SYT1: variants seen among roughly 807,000 people sequenced by gnomAD.
SYT1 encodes synaptotagmin 1.
SYT1 carries 8 observed loss-of-function variants against 44.8 expected under a neutral mutation model. The ratio of observed to expected loss-of-function variants is 0.18; its 90% CI spans 0.10 to 0.32. The LOEUF (loss-of-function observed/expected upper bound fraction) is 0.32. Ranked by LOEUF, SYT1 falls within the 10% of genes least tolerant of loss-of-function variation. The probability of loss-of-function intolerance (pLI) is 1.00; values close to 1 mark genes in which losing one functional copy is unlikely to be tolerated. For missense variants in SYT1, 286 were observed against 509.3 expected, an observed-to-expected ratio of 0.56 and a Z score of 4.22; for synonymous variants, 154 against 188.8, an observed-to-expected ratio of 0.82 and a Z score of 1.51.
chr12:78,922,205 A>T (rs1478686123), intron 1 of SYT1, among the ~76,000 whole-genome samples: 3 of 151,964 alleles, frequency 2.0e-5, no homozygotes, highest in South Asian at 2.1e-4. Context: ...CACTAAGCAC[A>T]GGAGACTGTT....
Position 79,063,359 on chromosome 12 carries a change from C to T in SYT1, c.-18+15997C>T, listed in dbSNP as rs565286299. On this transcript the variant is annotated intron_variant, in intron 3 of 10. Coordinates refer to ENST00000261205, the MANE Select transcript of SYT1 (RefSeq NM_005639.3). Reference sequence around the variant, plus strand: ...ATTATGTTTACCCAGAAAATAGTTGCCTGTAGCAAAAGCATAATAATGTTT... The same window carrying T: ...ATTATGTTTACCCAGAAAATAGTTGTCTGTAGCAAAAGCATAATAATGTTT... Among the ~76,000 whole-genome samples, 8 of 152,218 alleles carry T rather than the reference C, an allele frequency of 5.3e-5. No individual in the cohort carries two copies. The South Asian group carries it at 1.7e-3, about 32-fold the overall frequency.
chr12:79,210,904 G>A (rs1403583273), intron 3 of SYT1, among the ~76,000 whole-genome samples: 1 of 149,746 alleles, frequency 6.7e-6, no homozygotes, highest in African/African-American at 2.5e-5. Flanking sequence ...ATTCATTCTT[G>A]AGATTTAGCT....
rs144625145 is a variant in SYT1 at position 79,339,766 on chromosome 12, T to C, written c.811-13736T>C. On this transcript the variant is annotated intron_variant, in intron 8 of 10. Transcript: ENST00000261205. Reference sequence around the variant, plus strand: ...GCCCATGCCTACGTCCTGAATGGTATTGCCTAGGTTTTCTTCTAGGGATTT... The same window carrying C: ...GCCCATGCCTACGTCCTGAATGGTACTGCCTAGGTTTTCTTCTAGGGATTT... Among the ~76,000 whole-genome samples, 1,468 of 152,308 alleles carry C rather than the reference T, an allele frequency of 9.6e-3. 26 individuals are homozygous for C. Among genetic ancestry groups the C allele is most frequent in the African/African-American group, 0.034 (1,402 of 41,570 alleles).
intron 3 of SYT1, among the ~76,000 whole-genome samples, chr12:79,192,011 T>C (rs1478180194): frequency 6.6e-6 from 1 of 152,150 alleles, no homozygotes; most frequent in Non-Finnish European, 1.5e-5. Flanking sequence ...TTAATATCAA[T>C]CCACCCCTAT....
At chr12:79,299,363 T>A (rs758744668) in intron 7 of SYT1, 21 bp from the exon 8 acceptor site, 4 of 1,609,764 alleles carry the variant, frequency 2.5e-6, no homozygotes, top group Admixed American at 1.7e-5. Context: ...GGATATTTTA[T>A]CCTCATGTCT....
At chr12:79,426,085 A>C (rs1869430032) in intron 9 of SYT1, among the ~76,000 whole-genome samples, 1 of 152,134 alleles carries the variant, frequency 6.6e-6, no homozygotes, top group Non-Finnish European at 1.5e-5. Flanking sequence ...TTTGATTAAA[A>C]AAAAAAAAAA....
intron 8 of SYT1, among the ~76,000 whole-genome samples, chr12:79,304,849 T>C (rs539844273): frequency 1.8e-4 from 27 of 152,018 alleles, no homozygotes; most frequent in Non-Finnish European, 3.1e-4. Context: ...AACTATAATA[T>C]ATATTAGTGT....
intron 3 of SYT1, among the ~76,000 whole-genome samples, chr12:79,068,892 A>T (rs1433726498): frequency 1.3e-5 from 2 of 152,132 alleles, no homozygotes; most frequent in Non-Finnish European, 2.9e-5. Context: ...TTTCTTCCTA[A>T]TGTCCTTTTA....
intron 9 of SYT1, among the ~76,000 whole-genome samples, chr12:79,443,300 T>C (rs1023938205): frequency 1.3e-5 from 2 of 152,180 alleles, no homozygotes; most frequent in Admixed American, 6.5e-5. Context: ...GTTAATTCCA[T>C]AGATGCCTTA....
intron 2 of SYT1, among the ~76,000 whole-genome samples, chr12:79,016,065 T>C (rs1450940448): frequency 6.6e-6 from 1 of 152,176 alleles, no homozygotes; most frequent in Non-Finnish European, 1.5e-5. Context: ...TGAAACACAT[T>C]CAGCTAATAC....
intron 3 of SYT1, among the ~76,000 whole-genome samples, chr12:79,109,216 T>C (rs1357288052): frequency 2.0e-5 from 3 of 152,200 alleles, no homozygotes; most frequent in Non-Finnish European, 2.9e-5. Context: ...TTCAGGCCAG[T>C]TGGAGGCTCT....
At chr12:79,195,479 C>T (rs1331390984) in intron 3 of SYT1, among the ~76,000 whole-genome samples, 1 of 134,424 alleles carries the variant, frequency 7.4e-6, no homozygotes, top group Non-Finnish European at 1.6e-5. Context: ...TTTGCACAAT[C>T]ATATATTTGA....
At chr12:79,327,718 G>A (rs534991021) in intron 8 of SYT1, among the ~76,000 whole-genome samples, 12 of 152,212 alleles carry the variant, frequency 7.9e-5, no homozygotes, top group Non-Finnish European at 1.2e-4. Flanking sequence ...CTTCATAGGC[G>A]ATGAGGAAGG....
intron 9 of SYT1, among the ~76,000 whole-genome samples, chr12:79,428,498 T>C (rs1354303325): frequency 6.6e-6 from 1 of 152,114 alleles, no homozygotes; most frequent in Non-Finnish European, 1.5e-5. Context: ...GCATACCCCA[T>C]GTCTGAGGGG....
At chr12:78,864,507 C>A (rs570355281), upstream of SYT1, among the ~76,000 whole-genome samples, 306 of 152,102 alleles carry the variant, frequency 2.0e-3, no homozygotes, top group African/African-American at 6.8e-3. Context: ...TCTTACTTCA[C>A]CCCCTCCCCC....
chr12:79,405,401 A>G (rs1885208906), intron 9 of SYT1, among the ~76,000 whole-genome samples: 1 of 152,200 alleles, frequency 6.6e-6, no homozygotes, highest in Middle Eastern at 3.2e-3. Flanking sequence ...TAATTTAAAT[A>G]TTGATTAATT....
chr12:79,280,489 CA>C (rs79177676), intron 4 of SYT1, among the ~76,000 whole-genome samples: 52,944 of 151,210 alleles, frequency 0.35, 9,604 homozygotes, highest in East Asian at 0.59. Context: ...TGACCATATA[CA>C]AAAAAAATTA....
rs557405659 is a variant in SYT1, at chr12:78,894,944, G to C, written c.-217+29835G>C. Among the ~76,000 whole-genome samples, 37 of 151,564 alleles carry C rather than the reference G, an allele frequency of 2.4e-4. No homozygotes were observed. The South Asian group carries it at 5.0e-3, about 20-fold the overall frequency. ...TCACCACAAAAAAATAATTCAGTGA[G>C]GTAATGCATATGTTTATTAGCTTGA... On this transcript the variant is annotated intron_variant, in intron 1 of 10. Coordinates refer to ENST00000261205, the MANE Select transcript of SYT1 (RefSeq NM_005639.3).
intron 9 of SYT1, among the ~76,000 whole-genome samples, chr12:79,399,820 C>T (rs1268054428): frequency 1.3e-5 from 2 of 152,096 alleles, no homozygotes; most frequent in Non-Finnish European, 2.9e-5. Context: ...CTGATGCTGA[C>T]CTTGCTGGTA....
Sources: allele counts gnomAD v4.1 joint callset (sites outside exome capture counted in the v4.1 genomes callset), GRCh38; gene constraint gnomAD v4.1.1; transcripts MANE v1.5; gene names NCBI Gene and HGNC (gene_info 2026-07-23, HGNC 2026-07-21).